Variants in ADAM2 observed in about 807,000 individuals in gnomAD.
ADAM2 encodes ADAM metallopeptidase domain 2.
Under a neutral mutation model 99.3 loss-of-function variants are expected in ADAM2, and 101 were observed. That is an observed-to-expected ratio of 1.02 (90% CI 0.87 to 1.20). The LOEUF (loss-of-function observed/expected upper bound fraction) is 1.20. Ranked by LOEUF, ADAM2 falls within the 50% of genes most tolerant of loss-of-function variation. ADAM2 has a pLI of 0.00. For synonymous variants in ADAM2, 323 were observed against 287.6 expected, an observed-to-expected ratio of 1.12 and a Z score of -1.25; for missense variants, 948 against 878.7, an observed-to-expected ratio of 1.08 and a Z score of -1.00.
chr8:39,817,791 C>T (rs1053338753), intron 6 of ADAM2: 40 of 151,760 alleles, frequency 2.6e-4, no homozygotes, highest in Admixed American at 2.2e-3. Flanking sequence ...TACTAAAAAT[C>T]GTACCGATAT....
chr8:39,773,835 G>C (rs901326936), intron 11 of ADAM2, among the ~76,000 whole-genome samples: 1 of 151,704 alleles, frequency 6.6e-6, no homozygotes, highest in Non-Finnish European at 1.5e-5. Flanking sequence ...GTTATATGAA[G>C]CCCGTGTAAC....
chr8:39,783,968 T>C (rs1803344522), intron 10 of ADAM2, among the ~76,000 whole-genome samples: 1 of 151,634 alleles, frequency 6.6e-6, no homozygotes, highest in Non-Finnish European at 1.5e-5. Context: ...AAAAATTAAG[T>C]GAAAAATCAT....
intron 11 of ADAM2, among the ~76,000 whole-genome samples, chr8:39,771,841 C>G (rs1481609108): frequency 6.6e-6 from 1 of 151,906 alleles, no homozygotes; most frequent in Non-Finnish European, 1.5e-5. Flanking sequence ...TTTAATATTA[C>G]TGAGAACCAG....
intron 19 of ADAM2, among the ~76,000 whole-genome samples, chr8:39,745,923 C>T (rs1277607963): frequency 6.6e-6 from 1 of 151,920 alleles, no homozygotes; most frequent in African/African-American, 2.4e-5. Flanking sequence ...AATCTTGCCC[C>T]TAAAAAGTCC....
rs1563333152 is a variant in ADAM2 at position 39,749,694 on chromosome 8, A to G, written c.1848T>C (p.Cys616=). 1 of 1,612,476 alleles carries G rather than the reference A, an allele frequency of 6.2e-7. No individual in the cohort carries two copies. The highest frequency in any genetic ancestry group is 8.5e-7 in the Non-Finnish European group (1 of 1,178,908). ...CTCTATCATTGCATTTGTCAGTAGT[A>G]CAATCATAACCCAAGTATGAAGAAC... is the stretch of plus-strand genomic sequence containing the variant. The part of the protein sequence containing the change: ...CVSSSYLGYD[C]TTDKCNDRGV... Residue 616 remains cysteine (C), a synonymous_variant, in exon 17 of 21, where the codon TGT becomes TGC. Coordinates refer to ENST00000265708, the MANE Select transcript of ADAM2 (RefSeq NM_001464.5).
intron 3 of ADAM2, among the ~76,000 whole-genome samples, chr8:39,827,381 G>A (rs949634806): frequency 1.3e-5 from 2 of 151,998 alleles, no homozygotes; most frequent in African/African-American, 4.8e-5. Context: ...TCCCTTTACT[G>A]GGCATATATC....
chr8:39,792,814 C>A (rs1386089468), intron 7 of ADAM2, among the ~76,000 whole-genome samples: 1 of 152,092 alleles, frequency 6.6e-6, no homozygotes, highest in Non-Finnish European at 1.5e-5. Flanking sequence ...TTAAAACATT[C>A]TGGTCTATGC....
chr8:39,824,233 A>C (rs1031689633), intron 4 of ADAM2, among the ~76,000 whole-genome samples: 2 of 149,066 alleles, frequency 1.3e-5, no homozygotes, highest in Non-Finnish European at 3.0e-5. Context: ...CGGTGAGCTG[A>C]GATCGCGCCA....
intron 7 of ADAM2, among the ~76,000 whole-genome samples, chr8:39,793,933 T>C (rs568076388): frequency 1.5e-4 from 23 of 152,186 alleles, no homozygotes; most frequent in African/African-American, 5.5e-4. Flanking sequence ...AAATGGAAAT[T>C]TGGAAGATTT....
intron 3 of ADAM2, among the ~76,000 whole-genome samples, chr8:39,825,909 C>T (rs1463905798): frequency 1.3e-5 from 2 of 152,066 alleles, no homozygotes; most frequent in Non-Finnish European, 2.9e-5. Flanking sequence ...TTTTTATTTA[C>T]ATTTCTGTGA....
chr8:39,813,464 T>C (rs1004411335), intron 6 of ADAM2, among the ~76,000 whole-genome samples: 1 of 152,194 alleles, frequency 6.6e-6, no homozygotes, highest in Non-Finnish European at 1.5e-5. Context: ...TAAGGACACA[T>C]GCACACGTAT....
At chr8:39,834,534 A>G (rs1266121235) in intron 2 of ADAM2, among the ~76,000 whole-genome samples, 1 of 151,976 alleles carries the variant, frequency 6.6e-6, no homozygotes, top group Admixed American at 6.6e-5. Context: ...AGATTTTGAG[A>G]CCAGCCTGAC....
At chr8:39,792,184 T>G (rs1418682969) in intron 7 of ADAM2, among the ~76,000 whole-genome samples, 1 of 151,896 alleles carries the variant, frequency 6.6e-6, no homozygotes, top group Non-Finnish European at 1.5e-5. Flanking sequence ...GTATACCTGC[T>G]TCTCTTATGC....
chr8:39,765,883 A>G (rs948264959), intron 14 of ADAM2, among the ~76,000 whole-genome samples: 2 of 151,846 alleles, frequency 1.3e-5, no homozygotes, highest in South Asian at 4.2e-4. Context: ...TTGAGAATAA[A>G]GGTGACCACC....
At chr8:39,755,148 G>A (rs1802097999) in intron 16 of ADAM2, among the ~76,000 whole-genome samples, 1 of 152,036 alleles carries the variant, frequency 6.6e-6, no homozygotes, top group African/African-American at 2.4e-5. Flanking sequence ...TGTATTCTCT[G>A]TGTGATATGA....
At chr8:39,800,954 TGC>T (rs1804182450) in intron 7 of ADAM2, among the ~76,000 whole-genome samples, 1 of 152,196 alleles carries the variant, frequency 6.6e-6, no homozygotes, top group South Asian at 2.1e-4. Context: ...TTAGCTTCTT[TGC>T]ATTAGGTTAG....
intron 7 of ADAM2, among the ~76,000 whole-genome samples, chr8:39,805,843 G>A (rs1804413953): frequency 2.6e-5 from 4 of 152,176 alleles, no homozygotes; most frequent in African/African-American, 9.7e-5. Flanking sequence ...TTGTGAAACT[G>A]GTGATTTTAA....
At chr8:39,778,409 A>T (rs564927480) in intron 10 of ADAM2, among the ~76,000 whole-genome samples, 24 of 152,148 alleles carry the variant, frequency 1.6e-4, no homozygotes, top group African/African-American at 5.8e-4. Context: ...AATGAAAGTG[A>T]GGTATTTACT....
intron 10 of ADAM2, among the ~76,000 whole-genome samples, chr8:39,778,330 G>C (rs1803081777): frequency 6.6e-6 from 1 of 152,006 alleles, no homozygotes; most frequent in Non-Finnish European, 1.5e-5. Context: ...AATGGATTAT[G>C]TCAGAGGGAT....
Sources: gnomAD v4.1 joint callset for allele counts (sites outside exome capture counted in the v4.1 genomes callset) on GRCh38, gnomAD v4.1.1 for gene constraint, MANE v1.5 for transcripts, NCBI Gene and HGNC (gene_info 2026-07-23, HGNC 2026-07-21) for gene names.